Variants in MTR observed in about 807,000 individuals in gnomAD.
MTR encodes 5-methyltetrahydrofolate-homocysteine methyltransferase, also known as methionine synthase.
Under a neutral mutation model 154.8 loss-of-function variants are expected in MTR, and 84 were observed. The observed-to-expected ratio is 0.54, with a 90% CI of 0.45 to 0.65. MTR has a LOEUF of 0.65. MTR is among the 30% of genes least tolerant of loss of function. The probability of loss-of-function intolerance (pLI) is 0.00; values close to 1 mark genes in which losing one functional copy is unlikely to be tolerated. For missense variants in MTR, 1,275 were observed against 1,570.2 expected, an observed-to-expected ratio of 0.81 and a Z score of 3.18; for synonymous variants, 554 against 553.9, an observed-to-expected ratio of 1.00 and a Z score of 0.00.
At chr1:236,871,503 A>G (rs1486724774) in intron 22 of MTR, among the ~76,000 whole-genome samples, 1 of 144,820 alleles carries the variant, frequency 6.9e-6, no homozygotes, top group East Asian at 2.1e-4. Context: ...GAATTTTAAA[A>G]CATATACAAT....
At chr1:236,810,035 AC>A (rs1314933284) in intron 4 of MTR, among the ~76,000 whole-genome samples, 3 of 152,358 alleles carry the variant, frequency 2.0e-5, no homozygotes, top group Non-Finnish European at 4.4e-5. Flanking sequence ...TGCAGAACTT[AC>A]GTTAAGTTCA....
chr1:236,874,090 G>A (rs1001915409), intron 23 of MTR, among the ~76,000 whole-genome samples: 1 of 152,158 alleles, frequency 6.6e-6, no homozygotes, highest in Non-Finnish European at 1.5e-5. Flanking sequence ...ACAGTTGTAT[G>A]TAGTCATTTT....
At position 236,798,596 on chromosome 1, in the gene MTR, T is replaced by C. The variant is rs547277776; in HGVS notation, c.34+2859T>C. Among the ~76,000 whole-genome samples, 60 of 152,378 alleles carry C rather than the reference T, an allele frequency of 3.9e-4. No individual in the cohort carries two copies. The South Asian group carries it at 0.012, about 30-fold the overall frequency. Reference sequence around the variant, plus strand: ...AAGGATGTTCCTTGGGACTCTCCTCTGCACTGCGGTTATTTACATATATAC... The same window carrying C: ...AAGGATGTTCCTTGGGACTCTCCTCCGCACTGCGGTTATTTACATATATAC... On this transcript the variant is annotated intron_variant, in intron 1 of 32. Coordinates refer to ENST00000366577, the MANE Select transcript of MTR (RefSeq NM_000254.3).
chr1:236,813,626 G>A (rs1661432528), intron 6 of MTR, among the ~76,000 whole-genome samples: 1 of 152,122 alleles, frequency 6.6e-6, no homozygotes, highest in Non-Finnish European at 1.5e-5. Context: ...TACTACTAAT[G>A]TAATTGAGCA....
Position 236,832,012 on chromosome 1 carries a change from T to C in MTR, c.1122T>C (p.Ile374=), listed in dbSNP as rs1444960004. 3.7e-6 allele frequency: 6 copies of C among 1,614,172 alleles called. No homozygotes were observed. Among genetic ancestry groups the C allele is most frequent in the Non-Finnish European group, 5.1e-6 (6 of 1,180,008 alleles). ...RIGPYTNFVN[I]GERCNVAGSR... ...GACCGTACACCAACTTTGTTAACAT[T>C]GGAGAGCGCTGTAATGTTGCAGGAT... The change falls in exon 13 of 33, where the codon ATT becomes ATC. Residue 374 remains isoleucine (I), a synonymous_variant. Coordinates refer to ENST00000366577, the MANE Select transcript of MTR (RefSeq NM_000254.3).
chr1:236,859,867 C>T lies in MTR; in HGVS notation c.1988C>T (p.Thr663Ile), dbSNP rs1664418470. 6.2e-7 allele frequency: 1 copy of T among 1,613,988 alleles called. No individual in the cohort carries two copies. Among genetic ancestry groups the T allele is most frequent in the Middle Eastern group, 1.7e-4 (1 of 6,058 alleles). Residue 663 changes from threonine (T) to isoleucine (I), a missense_variant, in exon 19 of 33, where the codon ACT becomes ATT. By Grantham distance (89) the Thr-to-Ile change is moderately conservative. Coordinates refer to ENST00000366577, the MANE Select transcript of MTR (RefSeq NM_000254.3). ...ACAGGAGGGAAGAAAGTCATTCAGACTGATGAGTGGAGAAATGGCCCTGTC... is the reference window on the plus strand; with the variant it reads ...ACAGGAGGGAAGAAAGTCATTCAGATTGATGAGTGGAGAAATGGCCCTGTC... Reference protein sequence around the residue: ...QGTGGKKVIQTDEWRNGPVEE... With the variant: ...QGTGGKKVIQIDEWRNGPVEE...
rs796407125 is a variant in MTR, at chr1:236,901,551, C to G, written c.*3907C>G. ...GACCCCTCCAGTCTTAGCTCCTGCTCCTGTAACAAAATACCACAAACTGGT... is the reference window on the plus strand; with the variant it reads ...GACCCCTCCAGTCTTAGCTCCTGCTGCTGTAACAAAATACCACAAACTGGT... On this transcript the variant is annotated 3_prime_UTR_variant, in exon 33 of 33. Transcript: ENST00000366577. 3 of 152,344 alleles carry G rather than the reference C, an allele frequency of 2.0e-5. No homozygotes were observed. The highest frequency in any genetic ancestry group is 4.8e-5 in the African/African-American group (2 of 41,566). 9.4% of individuals were successfully genotyped at this position (152,344 alleles called of 1,614,324 possible).
intron 21 of MTR, 81 bp downstream of exon 21, chr1:236,862,424 C>A: frequency 1.8e-6 from 2 of 1,134,460 alleles, no homozygotes; most frequent in South Asian, 1.2e-5. Flanking sequence ...CCTAAGCAGT[C>A]AGGGTTGGCT....
At chr1:236,813,814 A>G (rs1327768054) in intron 6 of MTR, among the ~76,000 whole-genome samples, 1 of 151,932 alleles carries the variant, frequency 6.6e-6, no homozygotes, top group East Asian at 1.9e-4. Context: ...GACTTTCTTT[A>G]TGGTGGTGAT....
chr1:236,806,010 C>CT, intron 2 of MTR, 134 bp from the exon 3 acceptor site: 2 of 758,920 alleles, frequency 2.6e-6, no homozygotes, highest in Admixed American at 4.0e-5. Context: ...TCTCTACCTT[C>CT]TAATGCAGTG....
chr1:236,797,404 C>T (rs1242919976), intron 1 of MTR, among the ~76,000 whole-genome samples: 1 of 152,088 alleles, frequency 6.6e-6, no homozygotes, highest in East Asian at 1.9e-4. Flanking sequence ...GCAAATACAT[C>T]TTGGGAGAAA....
chr1:236,842,132 C>G (rs1011776239), intron 15 of MTR, among the ~76,000 whole-genome samples: 1 of 152,180 alleles, frequency 6.6e-6, no homozygotes, highest in Non-Finnish European at 1.5e-5. Flanking sequence ...ACCTCGTGAT[C>G]CGCCCGCCTC....
chr1:236,797,795 C>A (rs1315683669), intron 1 of MTR, among the ~76,000 whole-genome samples: 2 of 151,802 alleles, frequency 1.3e-5, no homozygotes, highest in East Asian at 3.9e-4. Context: ...CCCATCTGTA[C>A]TAAAAATACA....
At chr1:236,845,981 A>G (rs901084562) in intron 15 of MTR, among the ~76,000 whole-genome samples, 2 of 152,226 alleles carry the variant, frequency 1.3e-5, no homozygotes, top group Non-Finnish European at 2.9e-5. Flanking sequence ...GTTGCGACTA[A>G]GCAAGGCACA....
intron 11 of MTR, among the ~76,000 whole-genome samples, chr1:236,828,453 A>T (rs1305368046): frequency 6.6e-6 from 1 of 151,996 alleles, no homozygotes; most frequent in Non-Finnish European, 1.5e-5. Context: ...ATCTGTCTGT[A>T]TATATGTTTG....
intron 32 of MTR, 80 bp downstream of exon 32, chr1:236,897,198 A>G: frequency 9.1e-7 from 1 of 1,100,784 alleles, no homozygotes; most frequent in Non-Finnish European, 1.4e-6. Flanking sequence ...AATGTGAATG[A>G]GAATAAAGTG....
chr1:236,815,576 A>G (rs771651257), intron 6 of MTR, 28 bp from the exon 7 acceptor site: 4 of 1,612,846 alleles, frequency 2.5e-6, no homozygotes, highest in Non-Finnish European at 8.5e-7. Flanking sequence ...CTCAGAAATA[A>G]AGACGTTCTT....
chr1:236,896,892 C>T (rs1666654581), intron 31 of MTR, 114 bp from the exon 32 acceptor site: 1 of 803,990 alleles, frequency 1.2e-6, no homozygotes. Context: ...ACCTAGAAGG[C>T]ATGAGCTCGC....
At chr1:236,825,803 A>T (rs12096955) in intron 10 of MTR, among the ~76,000 whole-genome samples, 53,024 of 152,068 alleles carry the variant, frequency 0.35, 10,079 homozygotes, top group Non-Finnish European at 0.41. Context: ...GGCCATTGTT[A>T]AATCCTAGGT....
Sources: gnomAD v4.1 joint callset for allele counts (sites outside exome capture counted in the v4.1 genomes callset) on GRCh38, gnomAD v4.1.1 for gene constraint, MANE v1.5 for transcripts, NCBI Gene and HGNC (gene_info 2026-07-23, HGNC 2026-07-21) for gene names.